The following FYCO1 variants were observed in gnomAD, a reference collection of about 807,000 sequenced individuals.
FYCO1 encodes FYVE and coiled-coil domain-containing protein 1.
FYCO1 carries 122 observed loss-of-function variants against 165.1 expected under a neutral mutation model. The observed-to-expected ratio is 0.74, with a 90% confidence interval of 0.64 to 0.86. The LOEUF (loss-of-function observed/expected upper bound fraction) is 0.86, where lower values mean the gene tolerates loss of function less well. FYCO1 is among the 40% of genes least tolerant of loss of function. The pLI is 0.00. For missense variants in FYCO1, 1,702 were observed against 1,810.3 expected (o/e 0.94, Z 1.09); for synonymous variants, 648 against 742.5 (o/e 0.87, Z 2.07).
At chr3:45,938,189 T>C in intron 14 of FYCO1, 1 of 1,287,818 alleles carries the variant, frequency 7.8e-7, no homozygotes, top group Non-Finnish European at 1.0e-6. Context: ...AGACAACGCC[T>C]GATTACCTGC....
chr3:45,930,171 T>A (rs1156881963), intron 16 of FYCO1, among the ~76,000 whole-genome samples: 1 of 152,230 alleles, frequency 6.6e-6, no homozygotes, highest in Non-Finnish European at 1.5e-5. Context: ...TCAGCTCCAG[T>A]CCAGCAGGCC....
intron 14 of FYCO1, chr3:45,946,606 TTGTC>T: frequency 6.2e-7 from 1 of 1,614,198 alleles, no homozygotes; most frequent in Non-Finnish European, 8.5e-7. Flanking sequence ...CTGGTGGTGT[TTGTC>T]TGTGGTCTGG....
chr3:45,924,619 C>CT lies in FYCO1; in HGVS notation c.4252-855dup, dbSNP rs561770997. 5.4e-3 allele frequency among the ~76,000 whole-genome samples: 816 copies of CT among 150,884 alleles called. 4 individuals carry two copies. Among genetic ancestry groups the CT allele is most frequent in the Middle Eastern group, 0.021 (6 of 288 alleles). On this transcript the variant is annotated intron_variant, in intron 16 of 17. Coordinates refer to ENST00000296137, the MANE Select transcript of FYCO1 (RefSeq NM_024513.4). ...CAGAGCCAGTCAACATTTTTTTTTC[C>CT]TTTTTTTTTCTGAGATGGAGTCTTA...
intron 14 of FYCO1, among the ~76,000 whole-genome samples, chr3:45,942,125 T>G (rs970952107): frequency 2.0e-5 from 3 of 152,242 alleles, no homozygotes; most frequent in Non-Finnish European, 2.9e-5. Flanking sequence ...CAAAAAGGCC[T>G]GCAAACCTAC....
chr3:45,921,623 C>G lies in FYCO1; in HGVS notation c.*142G>C, dbSNP rs1703095350. ...GCAGAGTGCTGAGCACAAAGTCCTC[C>G]CCAGACACCGCCTCTGAGGGGCAGC... On this transcript the variant is annotated 3_prime_UTR_variant, in exon 18 of 18. Transcript: ENST00000296137. 1.0e-5 allele frequency: 7 copies of G among 700,810 alleles called. No homozygotes were observed. Among genetic ancestry groups the G allele is most frequent in the Non-Finnish European group, 1.6e-5 (6 of 381,758 alleles). The allele number at this position is 700,810 out of a possible 1,614,324, so 43.4% of individuals were successfully genotyped here.
chr3:45,968,333 T>G lies in FYCO1; in HGVS notation c.1001A>C (p.His334Pro). Residue 334 changes from histidine to proline, a missense_variant, in exon 8 of 18, where the codon CAC becomes CCC. Transcript: ENST00000296137. Reference sequence around the variant, plus strand: ...GGACTCCAGCCGCCGCAGGGCTGTGTGGTAGTCCTCCTCCTTCTCTGCTGC... The same window carrying G: ...GGACTCCAGCCGCCGCAGGGCTGTGGGGTAGTCCTCCTCCTTCTCTGCTGC... ...LGAAEKEEDY[H>P]TALRRLESML... The G allele has an allele frequency of 1.2e-6, 2 of 1,613,832 alleles. No homozygotes were observed. Among genetic ancestry groups the G allele is most frequent in the Non-Finnish European group, 8.5e-7 (1 of 1,180,022 alleles).
intron 14 of FYCO1, chr3:45,948,402 T>C (rs149565575): frequency 6.5e-4 from 102 of 157,942 alleles, no homozygotes; most frequent in Middle Eastern, 6.8e-3. Flanking sequence ...GCCTGGAATA[T>C]ACAAAAAAGT....
intron 14 of FYCO1, among the ~76,000 whole-genome samples, chr3:45,950,258 A>C (rs1704923202): frequency 6.6e-6 from 1 of 151,394 alleles, no homozygotes; most frequent in Non-Finnish European, 1.5e-5. Context: ...TGGAGGGTAA[A>C]GGATGTGCTC....
In FYCO1 at chr3:45,931,129, C is replaced by T; in HGVS notation, c.4193G>A (p.Ser1398Asn). The T allele has an allele frequency of 6.2e-7, 1 of 1,614,032 alleles. No individual in the cohort carries two copies. The highest frequency in any genetic ancestry group is 8.5e-7 in the Non-Finnish European group (1 of 1,179,904). ...ISWVFSSDPK[S>N]ISFSVVFQEA... Reference sequence around the variant, plus strand: ...CTGGAAGACCACACTGAAGGAGATGCTCTTGGGGTCAGAGGAGAAGACCCA... The same window carrying T: ...CTGGAAGACCACACTGAAGGAGATGTTCTTGGGGTCAGAGGAGAAGACCCA... Residue 1398 changes from serine to asparagine, a missense_variant, in exon 16 of 18, where the codon AGC becomes AAC. By Grantham distance (46) the Ser-to-Asn change is conservative. Coordinates refer to ENST00000296137, the MANE Select transcript of FYCO1 (RefSeq NM_024513.4).
Position 45,959,478 on chromosome 3 carries a change from C to T in FYCO1, c.3502G>A (p.Glu1168Lys). The T allele has an allele frequency of 6.2e-7, 1 of 1,614,178 alleles. No individual in the cohort carries two copies. The highest frequency in any genetic ancestry group is 1.3e-5 in the African/African-American group (1 of 75,066). The change falls in exon 12 of 18, where the codon GAG (glutamate) becomes AAG (lysine). Residue 1168 changes from glutamate (E) to lysine (K), a missense_variant. Coordinates refer to ENST00000296137, the MANE Select transcript of FYCO1 (RefSeq NM_024513.4). ...GCCTCTGTGTCTCCGAGCCATCTCTCCTCAGCACTGAGCTTCTGCTGGAAT... is the reference window on the plus strand; with the variant it reads ...GCCTCTGTGTCTCCGAGCCATCTCTTCTCAGCACTGAGCTTCTGCTGGAAT... ...LEFQQKLSAE[E>K]RWLGDTEANH...
chr3:45,995,056 AC>A (rs1707740397), intron 1 of FYCO1, among the ~76,000 whole-genome samples: 2 of 36,348 alleles, frequency 5.5e-5, no homozygotes, highest in South Asian at 1.8e-3. Context: ...TCCCCGCCCC[AC>A]CCCCGCCAGG....
chr3:45,979,834 G>T lies in FYCO1; in HGVS notation c.163-4C>A. 2 of 1,613,738 alleles carry T rather than the reference G, an allele frequency of 1.2e-6. No individual in the cohort carries two copies. Among genetic ancestry groups the T allele is most frequent in the South Asian group, 1.1e-5 (1 of 91,064 alleles). ...TGGCCTTCTCTTTCTGATCAAACTG[G>T]GTAGGGAAAGGGAAAGGGAGAGGAG... is the stretch of plus-strand genomic sequence containing the variant. On this transcript the variant is annotated splice_region_variant and splice_polypyrimidine_tract_variant and intron_variant, in intron 3 of 17. Transcript: ENST00000296137.
intron 6 of FYCO1, among the ~76,000 whole-genome samples, chr3:45,971,094 T>C (rs1469943990): frequency 6.6e-6 from 1 of 152,184 alleles, no homozygotes; most frequent in East Asian, 1.9e-4. Context: ...AAGAGCCAGC[T>C]TGAAGGGGGC....
chr3:45,929,289 G>A (rs1303458095), intron 16 of FYCO1, among the ~76,000 whole-genome samples: 2 of 152,186 alleles, frequency 1.3e-5, no homozygotes, highest in Non-Finnish European at 1.5e-5. Context: ...GCTAGAGGAG[G>A]AAGGCTCAGT....
chr3:45,967,999 C>T lies in FYCO1; in HGVS notation c.1335G>A (p.Leu445=), dbSNP rs3796376. The T allele has an allele frequency of 0.19, 303,746 of 1,614,032 alleles. 30,135 individuals are homozygous for T. The highest frequency in any genetic ancestry group is 0.3 in the East Asian group (13,273 of 44,856). ...GGGCCATCTCCTTCACCAGGCGCTC[C>T]AGGCTGGCCCGGGCATCCTCTTTCA... The part of the protein sequence containing the change: ...LQLKEDARAS[L]ERLVKEMAPL... The change falls in exon 8 of 18, where the codon CTG becomes CTA. Residue 445 remains leucine (L), a synonymous_variant. Coordinates refer to ENST00000296137, the MANE Select transcript of FYCO1 (RefSeq NM_024513.4).
At chr3:45,968,907 G>A (rs764241539) in intron 7 of FYCO1, among the ~76,000 whole-genome samples, 3 of 152,130 alleles carry the variant, frequency 2.0e-5, no homozygotes, top group Non-Finnish European at 2.9e-5. Flanking sequence ...AAGCTATGAG[G>A]CCACCCATGT....
At chr3:45,976,602 A>T (rs1305395542) in intron 4 of FYCO1, among the ~76,000 whole-genome samples, 1 of 152,116 alleles carries the variant, frequency 6.6e-6, no homozygotes, top group African/African-American at 2.4e-5. Flanking sequence ...TGTATATGTG[A>T]TGGGGGAAGG....
At chr3:45,935,260 T>C (rs573654890) in intron 15 of FYCO1, among the ~76,000 whole-genome samples, 4 of 152,332 alleles carry the variant, frequency 2.6e-5, no homozygotes, top group African/African-American at 9.6e-5. Flanking sequence ...TTGGCTCTCA[T>C]CCTCCATCAT....
Position 45,962,264 on chromosome 3 carries a change from G to A in FYCO1, c.3398C>T (p.Thr1133Ile), listed in dbSNP as rs1156544851. 1 of 1,614,224 alleles carries A rather than the reference G, an allele frequency of 6.2e-7. No homozygotes were observed. ...MLADLDDLNR[T>I]KKYLEERLIE... ...CAGCCGCTCCTCGAGATACTTCTTG[G>A]TTCTGTTGAGGTCATCCAGGTCAGC... The change falls in exon 11 of 18, where the codon ACC (threonine) becomes ATC (isoleucine). Residue 1133 changes from threonine (T) to isoleucine (I), a missense_variant. By Grantham distance (89) the Thr-to-Ile change is moderately conservative. Coordinates refer to ENST00000296137, the MANE Select transcript of FYCO1 (RefSeq NM_024513.4). The surrounding 1 kb of genome is among the most constrained non-coding windows in gnomAD (Gnocchi z 4.4).
Sources: allele counts gnomAD v4.1 joint callset (sites outside exome capture counted in the v4.1 genomes callset), GRCh38; gene constraint gnomAD v4.1.1; non-coding constraint Gnocchi (gnomAD v3.1); transcripts MANE v1.5; gene names NCBI Gene and HGNC (gene_info 2026-07-23, HGNC 2026-07-21).